SIRT4: variants seen among roughly 807,000 people sequenced by gnomAD.
SIRT4 encodes NAD-dependent protein lipoamidase sirtuin-4, mitochondrial.
In SIRT4, 23 loss-of-function variants were observed where a neutral mutation model predicts 26.1. The ratio of observed to expected loss-of-function variants is 0.88; its 90% CI spans 0.63 to 1.25. The LOEUF is 1.25. Ranked by LOEUF, SIRT4 falls within the 50% of genes most tolerant of loss-of-function variation. The probability of loss-of-function intolerance (pLI) is 0.00; values close to 1 mark genes in which losing one functional copy is unlikely to be tolerated. For synonymous variants in SIRT4, 155 were observed against 158.4 expected (o/e 0.98, Z 0.16); for missense variants, 361 against 405.4 (o/e 0.89, Z 0.94).
the SIRT4 span, among the ~76,000 whole-genome samples, chr12:120,297,233 A>ATACATACATAC: frequency 8.1e-4 from 109 of 134,414 alleles, no homozygotes; most frequent in Admixed American, 1.6e-3. Flanking sequence ...AAAATAAATA[A>ATACATACATAC]ATACATACAT....
chr12:120,308,648 G>T (rs1463267925), intron 2 of SIRT4, among the ~76,000 whole-genome samples: 1 of 152,168 alleles, frequency 6.6e-6, no homozygotes, highest in Admixed American at 6.5e-5. Context: ...GGGAAAGTTA[G>T]GCCCAAATCA....
chr12:120,292,966 A>G, the SIRT4 span: 1 of 152,116 alleles, frequency 6.6e-6, no homozygotes, highest in Non-Finnish European at 1.5e-5. Context: ...TGCTCTCGCG[A>G]ATCAGCTGGT....
chr12:120,298,541 G>A (rs538414478), upstream of SIRT4, among the ~76,000 whole-genome samples: 8 of 152,080 alleles, frequency 5.3e-5, no homozygotes, highest in Non-Finnish European at 7.4e-5. Context: ...GTAGTGCGCA[G>A]TGATCGTGCC....
intron 2 of SIRT4, among the ~76,000 whole-genome samples, chr12:120,310,760 G>A (rs1432747196): frequency 1.3e-5 from 2 of 149,468 alleles, no homozygotes; most frequent in Admixed American, 1.3e-4. Context: ...TTTTTGAGAC[G>A]GAGTCTCGCT....
the SIRT4 span, among the ~76,000 whole-genome samples, chr12:120,295,239 A>T: frequency 7.6e-6 from 1 of 130,830 alleles, no homozygotes; most frequent in African/African-American, 2.9e-5. Flanking sequence ...TTTGAGACTG[A>T]GTTTCGCTCT....
At chr12:120,311,259 G>T (rs1872957462) in intron 2 of SIRT4, among the ~76,000 whole-genome samples, 1 of 151,316 alleles carries the variant, frequency 6.6e-6, no homozygotes, top group Non-Finnish European at 1.5e-5. Flanking sequence ...GGAGGCTGAG[G>T]CAGGAGAATT....
the SIRT4 span, chr12:120,293,242 T>A: frequency 6.6e-6 from 1 of 152,186 alleles, no homozygotes. Flanking sequence ...AAAGCTAATT[T>A]GTTACGCCCC....
At chr12:120,307,093 C>T (rs542312694) in intron 2 of SIRT4, among the ~76,000 whole-genome samples, 2 of 152,316 alleles carry the variant, frequency 1.3e-5, no homozygotes, top group Admixed American at 1.3e-4. Context: ...TGAAGTCAGT[C>T]TGCCAATGCT....
intron 2 of SIRT4, among the ~76,000 whole-genome samples, chr12:120,308,650 C>A (rs188979427): frequency 1.6e-4 from 25 of 152,234 alleles, no homozygotes; most frequent in African/African-American, 5.8e-4. Context: ...GAAAGTTAGG[C>A]CCAAATCATG....
At chr12:120,300,453 TA>T (rs1338055024), upstream of SIRT4, among the ~76,000 whole-genome samples, 1 of 152,130 alleles carries the variant, frequency 6.6e-6, no homozygotes, top group Non-Finnish European at 1.5e-5. Context: ...TTATTATTAT[TA>T]TTTTTTGAAG....
At chr12:120,291,796 G>C in the SIRT4 span, 1 of 152,068 alleles carries the variant, frequency 6.6e-6, no homozygotes, top group Non-Finnish European at 1.5e-5. Flanking sequence ...TGCCAATGCC[G>C]ACTATATTTC....
chr12:120,299,692 C>T (rs935270037), upstream of SIRT4, among the ~76,000 whole-genome samples: 4 of 152,090 alleles, frequency 2.6e-5, no homozygotes, highest in Non-Finnish European at 5.9e-5. Context: ...GGTGAGTGTA[C>T]GGCGCCTGCA....
rs200459757 is a variant in SIRT4, at chr12:120,312,704, G to A, written c.746G>A (p.Arg249His). 5.0e-6 allele frequency: 8 copies of A among 1,613,936 alleles called. No individual in the cohort carries two copies. The highest frequency in any genetic ancestry group is 1.3e-5 in the African/African-American group (1 of 74,894). ...NPDKVDFVHK[R>H]VKEADSLLVV... is the part of the protein sequence containing the mutation. Reference sequence around the variant, plus strand: ...GACAAGGTTGATTTTGTGCACAAGCGTGTAAAAGAAGCCGACTCCCTCTTG... The same window carrying A: ...GACAAGGTTGATTTTGTGCACAAGCATGTAAAAGAAGCCGACTCCCTCTTG... The change falls in exon 3 of 4, where the codon CGT (arginine) becomes CAT (histidine). Residue 249 changes from arginine (R) to histidine (H), a missense_variant. Arg to His is a conservative substitution (Grantham distance 29). Transcript: ENST00000202967.
At chr12:120,295,053 G>C in the SIRT4 span, among the ~76,000 whole-genome samples, 3 of 150,882 alleles carry the variant, frequency 2.0e-5, no homozygotes, top group Non-Finnish European at 3.0e-5. Context: ...CTGGTCTCAA[G>C]CTCCTGACCT....
chr12:120,300,494 G>A (rs1039283066), upstream of SIRT4, among the ~76,000 whole-genome samples: 1 of 152,066 alleles, frequency 6.6e-6, no homozygotes, highest in African/African-American at 2.4e-5. Context: ...CACCCAGGCT[G>A]AAGTGCAGTC....
At chr12:120,299,932 T>C (rs1268208226), upstream of SIRT4, among the ~76,000 whole-genome samples, 2 of 152,034 alleles carry the variant, frequency 1.3e-5, no homozygotes, top group African/African-American at 4.8e-5. Context: ...TCAAAGCATC[T>C]TTCTGGAGAG....
At chr12:120,292,829 G>A in the SIRT4 span, among the ~76,000 whole-genome samples, 13 of 151,886 alleles carry the variant, frequency 8.6e-5, no homozygotes, top group Admixed American at 1.3e-4. Flanking sequence ...GTGCGAGAAA[G>A]AAAACAGGAC....
chr12:120,305,322 C>A lies in SIRT4; in HGVS notation c.497+1264C>A, dbSNP rs1872710697. On this transcript the variant is annotated intron_variant, in intron 2 of 3. Coordinates refer to ENST00000202967, the MANE Select transcript of SIRT4 (RefSeq NM_012240.3). The stretch of plus-strand genomic sequence containing the variant: ...CTGGGATGTGGTGGTGTGATTATAG[C>A]TCACTTCAGCCTCAATCTCTTGGGC... Among the ~76,000 whole-genome samples the A allele has an allele frequency of 4.6e-5, 7 of 152,052 alleles. No individual in the cohort carries two copies. In the South Asian group the frequency reaches 1.4e-3, roughly 31 times the overall value.
chr12:120,304,173 A>G, intron 2 of SIRT4, 115 bp downstream of exon 2: 1 of 1,369,730 alleles, frequency 7.3e-7, no homozygotes, highest in African/African-American at 1.4e-5. Context: ...TTTCAGAGCA[A>G]GTTGTTTATT....
Sources: allele counts gnomAD v4.1 joint callset (sites outside exome capture counted in the v4.1 genomes callset), GRCh38; gene constraint gnomAD v4.1.1; transcripts MANE v1.5; gene names NCBI Gene and HGNC (gene_info 2026-07-23, HGNC 2026-07-21).